Variants in DYRK2 observed in about 807,000 individuals in gnomAD.
DYRK2 encodes dual specificity tyrosine-phosphorylation-regulated kinase 2.
A neutral mutation model predicts 41.6 loss-of-function variants in DYRK2; 12 were observed. That is an observed-to-expected ratio of 0.29 (90% CI 0.18 to 0.47). The LOEUF (loss-of-function observed/expected upper bound fraction) is 0.47, where lower values mean the gene tolerates loss of function less well. Among genes scored for constraint, DYRK2 ranks in the 20% least tolerant of loss-of-function variants. The pLI is 1.00. For synonymous variants in DYRK2, 322 were observed against 315.7 expected, an observed-to-expected ratio of 1.02 and a Z score of -0.21; for missense variants, 678 against 798.4, an observed-to-expected ratio of 0.85 and a Z score of 1.82.
At chr12:67,656,525 A>G (rs773328177) in intron 2 of DYRK2, among the ~76,000 whole-genome samples, 5 of 152,222 alleles carry the variant, frequency 3.3e-5, no homozygotes, top group Non-Finnish European at 7.3e-5. Context: ...TTCAAGTCTA[A>G]AAACACAGGG....
intron 2 of DYRK2, among the ~76,000 whole-genome samples, chr12:67,656,083 G>A (rs922815610): frequency 2.0e-5 from 3 of 152,310 alleles, no homozygotes; most frequent in African/African-American, 7.2e-5. Context: ...AAGACTAGGG[G>A]TTGTCCAAGG....
chr12:67,658,133 G>T lies in DYRK2; in HGVS notation c.1226G>T (p.Gly409Val). The T allele has an allele frequency of 6.2e-7, 1 of 1,614,204 alleles. No homozygotes were observed. Among genetic ancestry groups the T allele is most frequent in the African/African-American group, 1.3e-5 (1 of 75,074 alleles). The change falls in exon 3 of 3, where the codon GGC (glycine) becomes GTC (valine). Residue 409 changes from glycine to valine, a missense_variant. Gly to Val is a moderately radical substitution (Grantham distance 109). Around this residue, in one of 2 missense-constraint regions of DYRK2, gnomAD observed 393 missense variants for 519.1 expected, o/e 0.76. Transcript: ENST00000344096. This position sits in a 1 kb window ranked among gnomAD's most constrained non-coding sequence, Gnocchi z 4.3. Reference sequence around the variant, plus strand: ...ATGCCCATTGATATGTGGAGCCTGGGCTGCATTTTAGCAGAGCTCCTGACG... The same window carrying T: ...ATGCCCATTGATATGTGGAGCCTGGTCTGCATTTTAGCAGAGCTCCTGACG... ...YGMPIDMWSL[G>V]CILAELLTGY...
chr12:67,649,217 AC>A, intron 1 of DYRK2, 35 bp downstream of exon 1: 4 of 1,455,572 alleles, frequency 2.7e-6, no homozygotes, highest in Non-Finnish European at 2.7e-6. Flanking sequence ...GCATCCCCGG[AC>A]CCCCGCCGGC....
chr12:67,649,474 T>C (rs1872240960), intron 1 of DYRK2, among the ~76,000 whole-genome samples: 1 of 151,208 alleles, frequency 6.6e-6, no homozygotes, highest in African/African-American at 2.4e-5. Flanking sequence ...GGCGTGGCCG[T>C]GGCTCCCTGC....
intron 2 of DYRK2, chr12:67,651,676 G>T: frequency 2.2e-6 from 1 of 454,186 alleles, no homozygotes; most frequent in Non-Finnish European, 4.4e-6. Context: ...TTTGGGTTTC[G>T]ATGGTGGTTT....
At position 67,657,183 on chromosome 12, in the gene DYRK2, G is replaced by C. The variant is rs1328485816; in HGVS notation, c.276G>C (p.Gln92His). The change falls in exon 3 of 3, where the codon CAG becomes CAC. Residue 92 changes from glutamine (Q) to histidine (H), a missense_variant. Physicochemically the swap from Gln to His is conservative, Grantham distance 24. This residue lies in a region of DYRK2 where 285 missense variants were observed against 279.2 expected (regional missense o/e 1.02). Transcript: ENST00000344096. The surrounding 1 kb of genome is among the most constrained non-coding windows in gnomAD (Gnocchi z 4.8). ...CTCACGGACAGATCCAGGTTCAACA[G>C]TTGTTTGAGGATAACAGTAACAAGC... ...SHAHGQIQVQQLFEDNSNKRT... is the reference protein window; with the variant it reads ...SHAHGQIQVQHLFEDNSNKRT... 6.2e-7 allele frequency: 1 copy of C among 1,613,344 alleles called. No individual in the cohort carries two copies. Among genetic ancestry groups the C allele is most frequent in the Non-Finnish European group, 8.5e-7 (1 of 1,179,580 alleles).
Position 67,665,182 on chromosome 12 carries a change from C to G in DYRK2, c.*6469C>G, listed in dbSNP as rs1317687051. The G allele has an allele frequency of 6.6e-6, 1 of 151,998 alleles. No homozygotes were observed. The highest frequency in any genetic ancestry group is 2.1e-4 in the South Asian group (1 of 4,814). 9.4% of individuals were successfully genotyped at this position (151,998 alleles called of 1,614,324 possible). ...AACTAAAATATTGTGTCTTTCCTTG[C>G]TTTTTATCCCAATTTATCTCCCCTC... On this transcript the variant is annotated 3_prime_UTR_variant, in exon 3 of 3. Coordinates refer to ENST00000344096, the MANE Select transcript of DYRK2 (RefSeq NM_006482.3).
At chr12:67,655,606 T>C (rs901328632) in intron 2 of DYRK2, among the ~76,000 whole-genome samples, 10 of 152,364 alleles carry the variant, frequency 6.6e-5, no homozygotes, top group African/African-American at 2.4e-4. Context: ...AGAAATGATA[T>C]CCCTGAGCCT....
intron 2 of DYRK2, among the ~76,000 whole-genome samples, chr12:67,654,944 G>C (rs1872423741): frequency 6.6e-6 from 1 of 152,112 alleles, no homozygotes; most frequent in South Asian, 2.1e-4. Context: ...GGAGTAAGAA[G>C]CCAAGAGAAT....
In DYRK2 at chr12:67,664,690, C is replaced by G. The variant is rs1592717340; in HGVS notation, c.*5977C>G. The G allele has an allele frequency of 6.6e-6, 1 of 152,226 alleles. No individual in the cohort carries two copies. Among genetic ancestry groups the G allele is most frequent in the African/African-American group, 2.4e-5 (1 of 41,542 alleles). 9.4% of individuals were successfully genotyped at this position (152,226 alleles called of 1,614,324 possible). On this transcript the variant is annotated 3_prime_UTR_variant, in exon 3 of 3. Transcript: ENST00000344096. The stretch of plus-strand genomic sequence containing the variant: ...AGTTTAGAAAGGGGGGGAAGTTGAG[C>G]TAGCAATGGGCATTTCTATTATTTA...
chr12:67,649,146 A>G lies in DYRK2; in HGVS notation c.13A>G (p.Lys5Glu). 1 of 1,512,606 alleles carries G rather than the reference A, an allele frequency of 6.6e-7. No individual in the cohort carries two copies. Among genetic ancestry groups the G allele is most frequent in the Admixed American group, 2.0e-5 (1 of 50,692 alleles). 93.7% of individuals were successfully genotyped at this position (1,512,606 alleles called of 1,614,324 possible). A position where few individuals can be genotyped will look rare whatever the true frequency, so the allele number is the denominator to read the frequency against. MLTRKPSAAAPAAYP... is the reference protein window; with the variant it reads MLTREPSAAAPAAYP... The stretch of plus-strand genomic sequence containing the variant: ...CTCTCCAGCGGCCATGTTAACCAGG[A>G]AACCTTCGGCCGCCGCTCCCGCCGC... Residue 5 changes from lysine (K) to glutamate (E), a missense_variant, in exon 1 of 3, where the codon AAA becomes GAA. This residue lies in a region of DYRK2 where 285 missense variants were observed against 279.2 expected (regional missense o/e 1.02). Coordinates refer to ENST00000344096, the MANE Select transcript of DYRK2 (RefSeq NM_006482.3).
chr12:67,653,654 G>A (rs1872386285), intron 2 of DYRK2, among the ~76,000 whole-genome samples: 1 of 152,206 alleles, frequency 6.6e-6, no homozygotes, highest in South Asian at 2.1e-4. Context: ...CCTGGGCCTT[G>A]ACTTCATGTT....
rs758783346 is a variant in DYRK2 at position 67,662,064 on chromosome 12, C to G, written c.*3351C>G. Reference sequence around the variant, plus strand: ...GAATGTTAGAAAACACTTTAGGCATCAGTAGCATTGGGCCATATTGGAATC... The same window carrying G: ...GAATGTTAGAAAACACTTTAGGCATGAGTAGCATTGGGCCATATTGGAATC... On this transcript the variant is annotated 3_prime_UTR_variant, in exon 3 of 3. Transcript: ENST00000344096. 4 of 166,326 alleles carry G rather than the reference C, an allele frequency of 2.4e-5. No homozygotes were observed. The highest frequency in any genetic ancestry group is 5.9e-5 in the Non-Finnish European group (4 of 68,060). The allele number at this position is 166,326 out of a possible 1,614,324, so 10.3% of individuals were successfully genotyped here.
In DYRK2 at chr12:67,649,092, C is replaced by A. The variant is rs762093661; in HGVS notation, c.-42C>A. 33 of 1,462,728 alleles carry A rather than the reference C, an allele frequency of 2.3e-5. No individual in the cohort carries two copies. The African/African-American group carries it at 4.6e-4, about 20-fold the overall frequency. The allele number at this position is 1,462,728 out of a possible 1,614,324, so 90.6% of individuals were successfully genotyped here. ...CCAGAAGTAGCAGCAGGACCGGCGG[C>A]GGCGACGGCAGCCCTGAAATGCATT... On this transcript the variant is annotated 5_prime_UTR_variant, in exon 1 of 3. Coordinates refer to ENST00000344096, the MANE Select transcript of DYRK2 (RefSeq NM_006482.3).
At position 67,660,493 on chromosome 12, in the gene DYRK2, A is replaced by G. The variant is rs1273124834; in HGVS notation, c.*1780A>G. The stretch of plus-strand genomic sequence containing the variant: ...AAGGTTACCTTATTAAAATAGTGAT[A>G]TTTGCTTTACTATTTAAGGTGTCAC... On this transcript the variant is annotated 3_prime_UTR_variant, in exon 3 of 3. Transcript: ENST00000344096. 1 of 167,000 alleles carries G rather than the reference A, an allele frequency of 6.0e-6. No individual in the cohort carries two copies. Among genetic ancestry groups the G allele is most frequent in the Non-Finnish European group, 1.5e-5 (1 of 68,082 alleles). 10.3% of individuals were successfully genotyped at this position (167,000 alleles called of 1,614,324 possible).
At chr12:67,649,772 G>C in intron 1 of DYRK2, 25 bp from the exon 2 acceptor site, 1 of 1,312,842 alleles carries the variant, frequency 7.6e-7, no homozygotes, top group Non-Finnish European at 9.8e-7. Context: ...ACCCTCTTTT[G>C]TCTCCTCCCG....
At chr12:67,654,450 G>A (rs191200914) in intron 2 of DYRK2, among the ~76,000 whole-genome samples, 24 of 152,296 alleles carry the variant, frequency 1.6e-4, no homozygotes, top group African/African-American at 4.6e-4. Context: ...AAGCACTATG[G>A]AGAAGAGATT....
At position 67,664,364 on chromosome 12, in the gene DYRK2, G is replaced by C. The variant is rs956564286; in HGVS notation, c.*5651G>C. 3.3e-5 allele frequency: 5 copies of C among 152,040 alleles called. No homozygotes were observed. Among genetic ancestry groups the C allele is most frequent in the Admixed American group, 6.5e-5 (1 of 15,268 alleles). The allele number at this position is 152,040 out of a possible 1,614,324, so 9.4% of individuals were successfully genotyped here. ...TCTTCTGAAGAAAGCTGACATTTTA[G>C]GAGTATTAAGTCATCTGTCGTTAAG... On this transcript the variant is annotated 3_prime_UTR_variant, in exon 3 of 3. Transcript: ENST00000344096.
rs564763148 is a variant in DYRK2 at position 67,662,756 on chromosome 12, A to G, written c.*4043A>G. ...GCCTGGAGAGGGTTTAGAATGCAAA[A>G]TGGATAGCTCTATATCAGGGTCTTG... is the stretch of plus-strand genomic sequence containing the variant. On this transcript the variant is annotated 3_prime_UTR_variant, in exon 3 of 3. Coordinates refer to ENST00000344096, the MANE Select transcript of DYRK2 (RefSeq NM_006482.3). 4 of 157,134 alleles carry G rather than the reference A, an allele frequency of 2.5e-5. No individual in the cohort carries two copies. Among genetic ancestry groups the G allele is most frequent in the South Asian group, 2.1e-4 (1 of 4,830 alleles). The allele number at this position is 157,134 out of a possible 1,614,324, so 9.7% of individuals were successfully genotyped here.
Sources: gnomAD v4.1 joint callset for allele counts (sites outside exome capture counted in the v4.1 genomes callset) on GRCh38, gnomAD v4.1.1 for gene constraint, gnomAD v4.1.1 regional missense constraint, Gnocchi (gnomAD v3.1) non-coding constraint, MANE v1.5 for transcripts, NCBI Gene and HGNC (gene_info 2026-07-23, HGNC 2026-07-21) for gene names.